CLSPN: variants seen among roughly 807,000 people sequenced by gnomAD.
The protein encoded by CLSPN is claspin, also known as claspin homolog.
Under a neutral mutation model 156.3 loss-of-function variants are expected in CLSPN, and 85 were observed. The ratio of observed to expected loss-of-function variants is 0.54; its 90% confidence interval spans 0.46 to 0.65. The LOEUF is 0.65. Ranked by LOEUF, CLSPN falls within the 30% of genes least tolerant of loss-of-function variation. The probability of loss-of-function intolerance (pLI) is 0.00; values close to 1 mark genes in which losing one functional copy is unlikely to be tolerated. For missense variants in CLSPN, 1,407 were observed against 1,554.9 expected, an observed-to-expected ratio of 0.90 and a Z score of 1.60; for synonymous variants, 534 against 542.4, an observed-to-expected ratio of 0.98 and a Z score of 0.22.
chr1:35,738,093 T>C lies in CLSPN; in HGVS notation c.3563A>G (p.Gln1188Arg). 4 of 1,196,416 alleles carry C rather than the reference T, an allele frequency of 3.3e-6. No homozygotes were observed. The highest frequency in any genetic ancestry group is 2.6e-5 in the East Asian group (1 of 38,534). 74.1% of individuals were successfully genotyped at this position (1,196,416 alleles called of 1,614,324 possible). ...EREQWLRDMAQQGKITAEEEE... is the reference protein window; with the variant it reads ...EREQWLRDMARQGKITAEEEE... ...TTCTTCAGCTGTAATTTTCCCCTGC[T>C]GTGCCTGAAAAAAAAAAAAAATATA... is the stretch of plus-strand genomic sequence containing the variant. The change falls in exon 22 of 25, where the codon CAG (glutamine) becomes CGG (arginine). Residue 1188 changes from glutamine to arginine, a missense_variant. By Grantham distance (43) the Gln-to-Arg change is conservative. Transcript: ENST00000318121.
intron 8 of CLSPN, 73 bp from the exon 9 acceptor site, chr1:35,754,009 G>GA: frequency 7.3e-7 from 1 of 1,378,256 alleles, no homozygotes; most frequent in Non-Finnish European, 9.9e-7. Flanking sequence ...TATAAGCTAA[G>GA]TTTTTTTTAG....
chr1:35,735,375 A>C lies in CLSPN; in HGVS notation c.*1121T>G. The C allele has an allele frequency of 2.0e-6, 2 of 985,446 alleles. No individual in the cohort carries two copies. The highest frequency in any genetic ancestry group is 2.4e-6 in the Non-Finnish European group (2 of 829,926). The allele number at this position is 985,446 out of a possible 1,614,324, so 61.0% of individuals were successfully genotyped here. A position where few individuals can be genotyped will look rare whatever the true frequency, so the allele number is the denominator to read the frequency against. The stretch of plus-strand genomic sequence containing the variant: ...AAAATGAAAGGGGTAAGAGTAATAC[A>C]GCAGCCCATCTGTTGGTTCCTAGGT... On this transcript the variant is annotated 3_prime_UTR_variant, in exon 25 of 25. Coordinates refer to ENST00000318121, the MANE Select transcript of CLSPN (RefSeq NM_022111.4).
Position 35,746,794 on chromosome 1 carries a change from G to C in CLSPN, c.2826C>G (p.Asn942Lys), listed in dbSNP as rs779190174. ...DKKENMEELL[N>K]LCSGKFTSQD... ...GAGAAGTGAATTTTCCTGAACAAAGGTTCAGAAGTTCCTCCATGTTCTCTT... is the reference window on the plus strand; with the variant it reads ...GAGAAGTGAATTTTCCTGAACAAAGCTTCAGAAGTTCCTCCATGTTCTCTT... The change falls in exon 15 of 25, where the codon AAC becomes AAG. Residue 942 changes from asparagine to lysine, a missense_variant. By Grantham distance (94) the Asn-to-Lys change is moderately conservative. Coordinates refer to ENST00000318121, the MANE Select transcript of CLSPN (RefSeq NM_022111.4). This position sits in a 1 kb window ranked among gnomAD's most constrained non-coding sequence, Gnocchi z 4.2. 3 of 1,613,258 alleles carry C rather than the reference G, an allele frequency of 1.9e-6. No individual in the cohort carries two copies. Among genetic ancestry groups the C allele is most frequent in the Non-Finnish European group, 2.5e-6 (3 of 1,179,266 alleles).
At position 35,733,525 on chromosome 1, in the gene CLSPN, A is replaced by G. The variant is rs1246068794; in HGVS notation, c.*2971T>C. 5.1e-6 allele frequency: 5 copies of G among 985,166 alleles called. No homozygotes were observed. Among genetic ancestry groups the G allele is most frequent in the Non-Finnish European group, 6.0e-6 (5 of 829,882 alleles). 61.0% of individuals were successfully genotyped at this position (985,166 alleles called of 1,614,324 possible). On this transcript the variant is annotated 3_prime_UTR_variant, in exon 25 of 25. Transcript: ENST00000318121. Reference sequence around the variant, plus strand: ...AAGACATGTAGGGAAACAAGAGGGAAGAAATATCTAGCCTTCCTGCTCAGT... The same window carrying G: ...AAGACATGTAGGGAAACAAGAGGGAGGAAATATCTAGCCTTCCTGCTCAGT...
intron 10 of CLSPN, 21 bp from the exon 11 acceptor site, chr1:35,749,832 C>A (rs11264197): frequency 1.3e-6 from 2 of 1,599,736 alleles, no homozygotes; most frequent in South Asian, 1.1e-5. Flanking sequence ...CAGGCCACCA[C>A]AAAACAAAAA....
intron 18 of CLSPN, among the ~76,000 whole-genome samples, chr1:35,740,551 T>A (rs1641656105): frequency 6.6e-6 from 1 of 151,944 alleles, no homozygotes; most frequent in South Asian, 2.1e-4. Context: ...CCCGAGTAGC[T>A]GGGATTACAG....
intron 3 of CLSPN, 98 bp downstream of exon 3, chr1:35,764,151 AAATAGTCAATTCAAAGC>A: frequency 1.5e-6 from 1 of 682,342 alleles, no homozygotes; most frequent in South Asian, 2.0e-5. Flanking sequence ...TCTCAACACA[AAATAGTCAATTCAAAGC>A]AATAGTCAGA....
rs1642376721 is a variant in CLSPN, at chr1:35,758,800, TC to T, written c.1579+1541del. On this transcript the variant is annotated intron_variant, in intron 8 of 24. Coordinates refer to ENST00000318121, the MANE Select transcript of CLSPN (RefSeq NM_022111.4). ...AAGTCATATAGTGCTTTTTTCTTTT[TC>T]TTTTTTTTTTTTTTTGAGACAGGAT... Among the ~76,000 whole-genome samples, 19 of 86,544 alleles carry T rather than the reference TC, an allele frequency of 2.2e-4. No individual in the cohort carries two copies. The South Asian group carries it at 5.5e-3, about 25-fold the overall frequency. 56.8% of individuals were successfully genotyped at this position (86,544 alleles called of 152,430 possible).
At chr1:35,725,154 C>T (rs1484337492) in intron 24 of CLSPN, among the ~76,000 whole-genome samples, 2 of 152,122 alleles carry the variant, frequency 1.3e-5, no homozygotes, top group Non-Finnish European at 2.9e-5. Flanking sequence ...TTTAAAAGTT[C>T]GGCAGGGCAC....
Position 35,753,808 on chromosome 1 carries a change from C to T in CLSPN, c.1708G>A (p.Ala570Thr). 1 of 1,614,192 alleles carries T rather than the reference C, an allele frequency of 6.2e-7. No homozygotes were observed. The highest frequency in any genetic ancestry group is 8.5e-7 in the Non-Finnish European group (1 of 1,180,022). The stretch of plus-strand genomic sequence containing the variant: ...GCTAAAGTCACAGGTACCACATCTG[C>T]TTTTAGCTCTTCCTTTCCATCAGTG... ...MGTDGKEELK[A>T]DVVPVTLAPK... Residue 570 changes from alanine to threonine, a missense_variant, in exon 9 of 25, where the codon GCA (alanine) becomes ACA (threonine). Transcript: ENST00000318121.
intron 24 of CLSPN, among the ~76,000 whole-genome samples, chr1:35,725,298 A>G (rs1207853008): frequency 1.3e-5 from 2 of 152,110 alleles, no homozygotes; most frequent in Non-Finnish European, 2.9e-5. Flanking sequence ...TGGAAGAATG[A>G]AAGGTAATAT....
chr1:35,741,799 C>T (rs555438940), intron 18 of CLSPN, among the ~76,000 whole-genome samples: 31 of 151,238 alleles, frequency 2.0e-4, no homozygotes, highest in Non-Finnish European at 3.5e-4. Flanking sequence ...ATGGTGAAAC[C>T]CCGTCTCTAC....
intron 18 of CLSPN, among the ~76,000 whole-genome samples, chr1:35,740,788 C>T (rs575731386): frequency 6.6e-6 from 1 of 152,282 alleles, no homozygotes; most frequent in South Asian, 2.1e-4. Context: ...TCAGAGGCCA[C>T]TAGTCACTAA....
At chr1:35,721,913 C>T (rs1339310029) in intron 24 of CLSPN, among the ~76,000 whole-genome samples, 2 of 151,768 alleles carry the variant, frequency 1.3e-5, no homozygotes, top group Non-Finnish European at 2.9e-5. Flanking sequence ...CCGAGGCAGG[C>T]GGATCACTTG....
chr1:35,726,991 G>A (rs1641206239), intron 24 of CLSPN, among the ~76,000 whole-genome samples: 1 of 152,222 alleles, frequency 6.6e-6, no homozygotes, highest in African/African-American at 2.4e-5. Context: ...CACTCCTGGA[G>A]CCTCAGAAGG....
chr1:35,756,984 T>C (rs1642291820), intron 8 of CLSPN, among the ~76,000 whole-genome samples: 1 of 152,188 alleles, frequency 6.6e-6, no homozygotes, highest in Non-Finnish European at 1.5e-5. Context: ...TGGGCTCTGA[T>C]CACCAATGTC....
chr1:35,732,315 G>A lies in CLSPN; in HGVS notation c.*4181C>T. Reference sequence around the variant, plus strand: ...CAAATCCCAGGACAGGATGCCACAAGAGTGATTAGACATAACCCTAGGAGA... The same window carrying A: ...CAAATCCCAGGACAGGATGCCACAAAAGTGATTAGACATAACCCTAGGAGA... On this transcript the variant is annotated 3_prime_UTR_variant, in exon 25 of 25. Coordinates refer to ENST00000318121, the MANE Select transcript of CLSPN (RefSeq NM_022111.4). 1 of 985,294 alleles carries A rather than the reference G, an allele frequency of 1.0e-6. No individual in the cohort carries two copies. The highest frequency in any genetic ancestry group is 1.2e-6 in the Non-Finnish European group (1 of 829,882). 61.0% of individuals were successfully genotyped at this position (985,294 alleles called of 1,614,324 possible).
At chr1:35,747,094 G>C in intron 14 of CLSPN, 102 bp from the exon 15 acceptor site, 1 of 805,482 alleles carries the variant, frequency 1.2e-6, no homozygotes, top group Non-Finnish European at 2.0e-6. Flanking sequence ...AGGCCGAGGC[G>C]GGCGGATCAC....
intron 1 of CLSPN, among the ~76,000 whole-genome samples, chr1:35,769,340 C>G (rs1000784827): frequency 6.6e-6 from 1 of 152,214 alleles, no homozygotes; most frequent in African/African-American, 2.4e-5. Context: ...CTTCCCCACT[C>G]GGGGCCCGGT....
Sources: gnomAD v4.1 joint callset for allele counts (sites outside exome capture counted in the v4.1 genomes callset) on GRCh38, gnomAD v4.1.1 for gene constraint, Gnocchi (gnomAD v3.1) non-coding constraint, MANE v1.5 for transcripts, NCBI Gene and HGNC (gene_info 2026-07-23, HGNC 2026-07-21) for gene names.